WWOX: variants seen among roughly 807,000 people sequenced by gnomAD.
The protein encoded by WWOX is WW domain-containing oxidoreductase.
In WWOX, 69 loss-of-function variants were observed where a neutral mutation model predicts 46.2. That is an observed-to-expected ratio of 1.49 (90% CI 1.23 to 1.82). The LOEUF is 1.82. Among genes scored for constraint, WWOX ranks in the 40% most tolerant of loss-of-function variants. The pLI, the probability that WWOX is intolerant of heterozygous loss-of-function variation, is 0.00. For synonymous variants in WWOX, 359 were observed against 202.6 expected (o/e 1.77, Z -6.56); for missense variants, 919 against 542.6 (o/e 1.69, Z -6.89).
chr16:78,599,959 A>C (rs2045581875), intron 8 of WWOX, among the ~76,000 whole-genome samples: 1 of 152,086 alleles, frequency 6.6e-6, no homozygotes, highest in Admixed American at 6.5e-5. Context: ...CACATACCTG[A>C]GGCTGCATAA....
chr16:78,792,869 A>G (rs546678221), intron 8 of WWOX, among the ~76,000 whole-genome samples: 1 of 152,152 alleles, frequency 6.6e-6, no homozygotes, highest in Non-Finnish European at 1.5e-5. Context: ...ATTTAGCAGT[A>G]ACAGAATCCA....
chr16:78,757,812 G>C (rs1006061148), intron 8 of WWOX, among the ~76,000 whole-genome samples: 1 of 152,006 alleles, frequency 6.6e-6, no homozygotes, highest in East Asian at 1.9e-4. Flanking sequence ...CAGAGGAAGA[G>C]ATCATCTTTC....
intron 5 of WWOX, among the ~76,000 whole-genome samples, chr16:78,373,556 T>A (rs13337989): frequency 6.6e-6 from 1 of 151,920 alleles, no homozygotes; most frequent in Non-Finnish European, 1.5e-5. Flanking sequence ...CTTTTTCCTA[T>A]GCTGTGGAAA....
At chr16:79,202,586 C>T (rs2051379063) in intron 8 of WWOX, 1 of 152,120 alleles carries the variant, frequency 6.6e-6, no homozygotes, top group Admixed American at 6.6e-5. Context: ...GCACTCGATT[C>T]CGGCAAGAGA....
chr16:78,246,946 G>T (rs1267458428), intron 5 of WWOX, among the ~76,000 whole-genome samples: 1 of 152,142 alleles, frequency 6.6e-6, no homozygotes, highest in East Asian at 1.9e-4. Context: ...CCTGTTTCCA[G>T]TCAGACCATA....
At chr16:78,333,350 A>G (rs1172333112) in intron 5 of WWOX, among the ~76,000 whole-genome samples, 1 of 151,746 alleles carries the variant, frequency 6.6e-6, no homozygotes, top group African/African-American at 2.4e-5. Flanking sequence ...AACCTGGTCA[A>G]TTTTCTATGG....
intron 5 of WWOX, among the ~76,000 whole-genome samples, chr16:78,242,152 C>T (rs1433003983): frequency 1.3e-5 from 2 of 152,234 alleles, no homozygotes; most frequent in Non-Finnish European, 1.5e-5. Flanking sequence ...GCTTCTGCCT[C>T]GGGTAGAAAT....
At chr16:78,112,263 C>A (rs775780784) in intron 3 of WWOX, among the ~76,000 whole-genome samples, 1 of 152,134 alleles carries the variant, frequency 6.6e-6, no homozygotes, top group African/African-American at 2.4e-5. Flanking sequence ...GTTGATTGAA[C>A]CAAAACTTTT....
intron 8 of WWOX, among the ~76,000 whole-genome samples, chr16:78,922,367 A>T (rs1320202875): frequency 1.4e-5 from 2 of 145,874 alleles, no homozygotes; most frequent in Non-Finnish European, 3.0e-5. Flanking sequence ...TATATTCTGC[A>T]TATATTTCAG....
At chr16:78,955,281 C>G (rs544569033) in intron 8 of WWOX, among the ~76,000 whole-genome samples, 1 of 152,244 alleles carries the variant, frequency 6.6e-6, no homozygotes, top group East Asian at 1.9e-4. Flanking sequence ...GTCCCTCATG[C>G]CCTAAAATAG....
chr16:78,399,670 G>C (rs749815859), intron 6 of WWOX, among the ~76,000 whole-genome samples: 1 of 152,072 alleles, frequency 6.6e-6, no homozygotes, highest in Non-Finnish European at 1.5e-5. Flanking sequence ...TATAAGACTT[G>C]GAAAAAGGGT....
At chr16:78,301,796 G>A (rs1268654029) in intron 5 of WWOX, among the ~76,000 whole-genome samples, 3 of 152,086 alleles carry the variant, frequency 2.0e-5, no homozygotes, top group Admixed American at 2.0e-4. Context: ...CACACCGCCA[G>A]GCCTCAGGAT....
In WWOX at chr16:78,470,742, T is replaced by A. The variant is rs548057019; in HGVS notation, c.1056+37990T>A. Among the ~76,000 whole-genome samples the A allele has an allele frequency of 5.9e-5, 9 of 152,270 alleles. 1 individual carries two copies. The South Asian group carries it at 1.9e-3, about 32-fold the overall frequency. On this transcript the variant is annotated intron_variant, in intron 8 of 8. Coordinates refer to ENST00000566780, the MANE Select transcript of WWOX (RefSeq NM_016373.4). ...GGGGGTTTCACCATGTGGGCCAGGCTGGTCTTGAACTCCTGACCTCAGGTG... is the reference window on the plus strand; with the variant it reads ...GGGGGTTTCACCATGTGGGCCAGGCAGGTCTTGAACTCCTGACCTCAGGTG...
intron 1 of WWOX, among the ~76,000 whole-genome samples, chr16:78,106,954 C>A (rs936109449): frequency 1.3e-5 from 2 of 152,188 alleles, no homozygotes; most frequent in African/African-American, 4.8e-5. Context: ...GTGAGGCATT[C>A]CTGCACTATG....
intron 8 of WWOX, among the ~76,000 whole-genome samples, chr16:78,592,501 T>A (rs2045375091): frequency 6.6e-6 from 1 of 152,180 alleles, no homozygotes; most frequent in African/African-American, 2.4e-5. Flanking sequence ...GCCCCTGGAC[T>A]CGCAGAGAAT....
intron 8 of WWOX, among the ~76,000 whole-genome samples, chr16:78,850,001 G>C (rs1410985954): frequency 3.3e-5 from 5 of 152,088 alleles, no homozygotes; most frequent in Admixed American, 3.3e-4. Flanking sequence ...GAACCTGGGA[G>C]ATGGAGGTTG....
chr16:78,558,217 G>A lies in WWOX; in HGVS notation c.1056+125465G>A, dbSNP rs575878886. Among the ~76,000 whole-genome samples the A allele has an allele frequency of 7.9e-5, 12 of 152,286 alleles. No homozygotes were observed. In the East Asian group the frequency reaches 1.4e-3, roughly 17 times the overall value. On this transcript the variant is annotated intron_variant, in intron 8 of 8. Transcript: ENST00000566780. ...TTATTTTCAGTGTTTTTGCCCTTCC[G>A]ATCCCTGGGTAAGAAGTAAGAAAAT...
At chr16:78,826,027 T>A in intron 8 of WWOX, 1 of 510,542 alleles carries the variant, frequency 2.0e-6, no homozygotes, top group Non-Finnish European at 3.5e-6. Context: ...TTGGCAGTTG[T>A]ATTCGGAGTC....
At chr16:78,315,845 A>T (rs1302996220) in intron 5 of WWOX, among the ~76,000 whole-genome samples, 1 of 152,174 alleles carries the variant, frequency 6.6e-6, no homozygotes, top group Non-Finnish European at 1.5e-5. Context: ...ATAGAAGATA[A>T]GAAAAATCAC....
Sources: allele counts gnomAD v4.1 joint callset (sites outside exome capture counted in the v4.1 genomes callset), GRCh38; gene constraint gnomAD v4.1.1; transcripts MANE v1.5; gene names NCBI Gene and HGNC (gene_info 2026-07-23, HGNC 2026-07-21).